The following TNIK variants were observed in gnomAD, a reference collection of about 807,000 sequenced individuals.
The protein encoded by TNIK is TRAF2 and NCK interacting kinase, also known as TRAF2 and NCK-interacting protein kinase.
Under a neutral mutation model 191.3 loss-of-function variants are expected in TNIK, and 49 were observed. The observed-to-expected ratio is 0.26, with a 90% CI of 0.20 to 0.32. The LOEUF is 0.32. Among genes scored for constraint, TNIK ranks in the 10% least tolerant of loss-of-function variants. The pLI is 1.00. For missense variants in TNIK, 1,155 were observed against 1,702.3 expected, an observed-to-expected ratio of 0.68 and a Z score of 5.66; for synonymous variants, 594 against 600.9, an observed-to-expected ratio of 0.99 and a Z score of 0.17.
chr3:171,446,154 T>C (rs1340579745), intron 1 of TNIK, among the ~76,000 whole-genome samples: 1 of 152,262 alleles, frequency 6.6e-6, no homozygotes, highest in African/African-American at 2.4e-5. Flanking sequence ...TTCAAATGCA[T>C]ACTTTTCTCA....
intron 1 of TNIK, among the ~76,000 whole-genome samples, chr3:171,434,850 A>G (rs185827184): frequency 5.3e-5 from 8 of 152,286 alleles, no homozygotes; most frequent in African/African-American, 1.7e-4. Context: ...ATTGGTTATT[A>G]TCTGATTCCT....
intron 2 of TNIK, among the ~76,000 whole-genome samples, chr3:171,303,114 A>G (rs1753056786): frequency 6.6e-6 from 1 of 152,210 alleles, no homozygotes; most frequent in Non-Finnish European, 1.5e-5. Flanking sequence ...TAAAGTTTTT[A>G]TCACACACGT....
intron 1 of TNIK, among the ~76,000 whole-genome samples, chr3:171,419,970 T>C (rs1261895948): frequency 6.6e-6 from 1 of 152,208 alleles, no homozygotes; most frequent in African/African-American, 2.4e-5. Flanking sequence ...TCTATGAACA[T>C]GTTTGTGACT....
chr3:171,368,941 G>T (rs199668975), intron 2 of TNIK, among the ~76,000 whole-genome samples: 10 of 146,884 alleles, frequency 6.8e-5, no homozygotes, highest in East Asian at 2.0e-4. Context: ...CATTTTTTTT[G>T]TTTTTTTTTT....
At chr3:171,360,361 A>C (rs550907169) in intron 2 of TNIK, among the ~76,000 whole-genome samples, 1 of 152,224 alleles carries the variant, frequency 6.6e-6, no homozygotes, top group Non-Finnish European at 1.5e-5. Context: ...GGTTTAGAGT[A>C]TTGCTGTAAC....
chr3:171,148,719 CATT>C (rs1361377644), intron 12 of TNIK, among the ~76,000 whole-genome samples: 1 of 152,156 alleles, frequency 6.6e-6, no homozygotes, highest in Non-Finnish European at 1.5e-5. Flanking sequence ...TGTGGGAAAA[CATT>C]ATTAATGTCT....
At position 171,126,122 on chromosome 3, in the gene TNIK, C is replaced by T. The variant is rs1728445818; in HGVS notation, c.1803G>A (p.Gln601=). 1 of 1,557,764 alleles carries T rather than the reference C, an allele frequency of 6.4e-7. No individual in the cohort carries two copies. The highest frequency in any genetic ancestry group is 8.7e-7 in the Non-Finnish European group (1 of 1,154,818). The change falls in exon 17 of 33, where the codon CAG becomes CAA. Residue 601 remains glutamine, a synonymous_variant. Transcript: ENST00000436636. ...QIPHLVAVKS[Q]GPALTASQSV... ...ACTGGGAGGCGGTCAAGGCAGGTCC[C>T]TGGGATTTTACAGCTACCAGATGTG...
At chr3:171,430,451 G>A (rs528033966) in intron 1 of TNIK, among the ~76,000 whole-genome samples, 3 of 151,690 alleles carry the variant, frequency 2.0e-5, no homozygotes, top group Non-Finnish European at 4.4e-5. Flanking sequence ...ACCAACCTGG[G>A]CAACATAGGG....
rs200240752 is a variant in TNIK at position 171,144,899 on chromosome 3, GTCT to G, written c.1222-4393_1222-4391del. 9.8e-3 allele frequency among the ~76,000 whole-genome samples: 1,491 copies of G among 152,226 alleles called. 10 individuals are homozygous for G. Among genetic ancestry groups the G allele is most frequent in the Non-Finnish European group, 0.015 (994 of 68,004 alleles). Reference sequence around the variant, plus strand: ...CCTGGAATCTTTCACTTGATATAATGTCTTCCAGGTTCATCTACGTTGCTGCAA... The same window carrying G: ...CCTGGAATCTTTCACTTGATATAATGTCCAGGTTCATCTACGTTGCTGCAA... On this transcript the variant is annotated intron_variant, in intron 12 of 32. Coordinates refer to ENST00000436636, the MANE Select transcript of TNIK (RefSeq NM_015028.4).
chr3:171,373,649 GGTCAT>G (rs1336928562), intron 1 of TNIK, among the ~76,000 whole-genome samples: 1 of 152,194 alleles, frequency 6.6e-6, no homozygotes, highest in African/African-American at 2.4e-5. Flanking sequence ...TGAAAGTCAA[GGTCAT>G]GTCATTCTTA....
At chr3:171,359,993 AG>A (rs987942955) in intron 2 of TNIK, among the ~76,000 whole-genome samples, 39 of 152,320 alleles carry the variant, frequency 2.6e-4, no homozygotes, top group African/African-American at 9.4e-4. Flanking sequence ...ACAAGTCATG[AG>A]GGGGTTGTGC....
intron 1 of TNIK, among the ~76,000 whole-genome samples, chr3:171,422,551 A>C (rs1723960949): frequency 1.3e-5 from 2 of 152,268 alleles, no homozygotes; most frequent in African/African-American, 4.8e-5. Context: ...TGTTTTGTTA[A>C]TGTATTTTTT....
At position 171,104,206 on chromosome 3, in the gene TNIK, T is replaced by C. The variant is rs577044245; in HGVS notation, c.2407-2573A>G. Among the ~76,000 whole-genome samples the C allele has an allele frequency of 1.2e-3, 180 of 152,248 alleles. 1 individual carries two copies. The highest frequency in any genetic ancestry group is 4.1e-3 in the African/African-American group (171 of 41,570). On this transcript the variant is annotated intron_variant, in intron 21 of 32. Transcript: ENST00000436636. ...TTAATCTTCCATTGCTAAGAACCTA[T>C]GTGTTTAGCTGAAGTTTTGTTTCTT... is the stretch of plus-strand genomic sequence containing the variant.
chr3:171,404,214 T>C (rs1202898451), intron 1 of TNIK, among the ~76,000 whole-genome samples: 2 of 152,210 alleles, frequency 1.3e-5, no homozygotes, highest in African/African-American at 2.4e-5. Context: ...CAAATTCCCC[T>C]GTGCGTTTTG....
chr3:171,128,235 GC>G (rs1312890761), intron 16 of TNIK, among the ~76,000 whole-genome samples: 2 of 152,164 alleles, frequency 1.3e-5, no homozygotes, highest in Non-Finnish European at 2.9e-5. Context: ...GATGGTTGAT[GC>G]TGCTGGTCCA....
rs542991880 is a variant in TNIK, at chr3:171,162,273, A to T, written c.950-937T>A. Among the ~76,000 whole-genome samples the T allele has an allele frequency of 2.0e-5, 3 of 151,966 alleles. No individual in the cohort carries two copies. In the South Asian group the frequency reaches 6.3e-4, roughly 32 times the overall value. On this transcript the variant is annotated intron_variant, in intron 10 of 32. Transcript: ENST00000436636. ...CATCTCTACTAAAAATACAAAAAAA[A>T]ATTAGCTGGGCGTGGTTACAGGCAC...
intron 18 of TNIK, among the ~76,000 whole-genome samples, chr3:171,122,539 A>G (rs1727903981): frequency 6.6e-6 from 1 of 152,216 alleles, no homozygotes; most frequent in African/African-American, 2.4e-5. Context: ...AAAGGAATTC[A>G]TGTTCTTAGT....
intron 1 of TNIK, among the ~76,000 whole-genome samples, chr3:171,440,096 C>G (rs548716062): frequency 6.6e-6 from 1 of 152,088 alleles, no homozygotes; most frequent in African/African-American, 2.4e-5. Context: ...CTAGGCTGGG[C>G]GAATGACCAC....
chr3:171,422,095 T>C (rs566224936), intron 1 of TNIK, among the ~76,000 whole-genome samples: 10 of 152,230 alleles, frequency 6.6e-5, no homozygotes, highest in Admixed American at 1.3e-4. Flanking sequence ...AATAATATTA[T>C]TGTGACACTG....
Sources: gnomAD v4.1 joint callset for allele counts (sites outside exome capture counted in the v4.1 genomes callset) on GRCh38, gnomAD v4.1.1 for gene constraint, MANE v1.5 for transcripts, NCBI Gene and HGNC (gene_info 2026-07-23, HGNC 2026-07-21) for gene names.